THADA: variants seen among roughly 807,000 people sequenced by gnomAD.
THADA encodes tRNA (32-2'-O)-methyltransferase regulator THADA.
A neutral mutation model predicts 219.8 loss-of-function variants in THADA; 213 were observed. The ratio of observed to expected loss-of-function variants is 0.97; its 90% CI spans 0.87 to 1.09. THADA has a LOEUF of 1.09. THADA is among the 50% of genes least tolerant of loss of function. The pLI is 0.00. For missense variants in THADA, 2,956 were observed against 2,311.3 expected (o/e 1.28, Z -5.72); for synonymous variants, 1,018 against 828.9 (o/e 1.23, Z -3.92).
In THADA at chr2:43,485,982, G is replaced by A. The variant is rs903336636; in HGVS notation, c.3745-657C>T. On this transcript the variant is annotated intron_variant, in intron 25 of 37. Coordinates refer to ENST00000405975, the MANE Select transcript of THADA (RefSeq NM_022065.5). ...GCCTATAGTCCCAGGTAGTCAGAAGGCTCAGGCAGGAGGATTGCATAAGGC... is the reference window on the plus strand; with the variant it reads ...GCCTATAGTCCCAGGTAGTCAGAAGACTCAGGCAGGAGGATTGCATAAGGC... 2.0e-5 allele frequency among the ~76,000 whole-genome samples: 3 copies of A among 151,978 alleles called. No individual in the cohort carries two copies. The East Asian group carries it at 5.8e-4, about 29-fold the overall frequency.
intron 29 of THADA, among the ~76,000 whole-genome samples, chr2:43,346,696 A>T (rs938908873): frequency 6.6e-6 from 1 of 152,210 alleles, no homozygotes; most frequent in African/African-American, 2.4e-5. Flanking sequence ...AACAACTCTT[A>T]TTACCAGGCA....
intron 26 of THADA, among the ~76,000 whole-genome samples, chr2:43,452,089 A>T (rs144427691): frequency 6.6e-6 from 1 of 152,252 alleles, no homozygotes; most frequent in South Asian, 2.1e-4. Context: ...CCTTGGTGAC[A>T]GAGCGAGACT....
chr2:43,542,259 T>C (rs1695425818), intron 20 of THADA, among the ~76,000 whole-genome samples: 1 of 152,170 alleles, frequency 6.6e-6, no homozygotes, highest in African/African-American at 2.4e-5. Flanking sequence ...CACATAAACA[T>C]ATAAAATAAG....
At chr2:43,442,290 G>A (rs1680937530) in intron 26 of THADA, among the ~76,000 whole-genome samples, 1 of 152,056 alleles carries the variant, frequency 6.6e-6, no homozygotes, top group South Asian at 2.1e-4. Flanking sequence ...ATAAAATTTA[G>A]CTGGGCGTGG....
chr2:43,468,712 T>C (rs941351341), intron 26 of THADA, among the ~76,000 whole-genome samples: 20 of 152,162 alleles, frequency 1.3e-4, no homozygotes, highest in African/African-American at 4.8e-4. Context: ...CATATAACAA[T>C]TCACAAGAAA....
chr2:43,328,421 T>C (rs1679577944), intron 30 of THADA, among the ~76,000 whole-genome samples: 1 of 152,194 alleles, frequency 6.6e-6, no homozygotes, highest in African/African-American at 2.4e-5. Context: ...GTCTGGAGCT[T>C]TGTGAGTGTT....
intron 24 of THADA, among the ~76,000 whole-genome samples, chr2:43,502,916 A>G (rs962350077): frequency 2.0e-5 from 3 of 152,200 alleles, no homozygotes; most frequent in African/African-American, 7.2e-5. Flanking sequence ...TAAAGTAAGC[A>G]AAGTCTTTCA....
intron 22 of THADA, among the ~76,000 whole-genome samples, chr2:43,525,911 T>A (rs1376794775): frequency 6.6e-6 from 1 of 152,206 alleles, no homozygotes; most frequent in African/African-American, 2.4e-5. Flanking sequence ...TCTACTTTGT[T>A]ATAACTGATT....
At chr2:43,445,081 C>G (rs1256920553) in intron 26 of THADA, among the ~76,000 whole-genome samples, 1 of 152,136 alleles carries the variant, frequency 6.6e-6, no homozygotes, top group Admixed American at 6.5e-5. Flanking sequence ...TCCCTAGATT[C>G]TGGCCTATAA....
chr2:43,590,772 T>G (rs1482834093), intron 4 of THADA, 52 bp downstream of exon 4: 1 of 1,591,552 alleles, frequency 6.3e-7, no homozygotes. Context: ...TCAGTTACTT[T>G]TGGTCAAATT....
intron 28 of THADA, among the ~76,000 whole-genome samples, chr2:43,410,070 A>T (rs909726464): frequency 2.6e-5 from 4 of 152,152 alleles, no homozygotes; most frequent in Non-Finnish European, 5.9e-5. Context: ...ACAACCTAAC[A>T]GAAAAATTGG....
intron 33 of THADA, 82 bp downstream of exon 33, chr2:43,292,022 G>A (rs1280974581): frequency 1.0e-6 from 1 of 962,854 alleles, no homozygotes; most frequent in Admixed American, 2.8e-5. Context: ...CCTGAGGGCA[G>A]GATTGTGTGC....
rs1380616479 is a variant in THADA, at chr2:43,514,751, T to A, written c.3375-5971A>T. 3.9e-4 allele frequency among the ~76,000 whole-genome samples: 34 copies of A among 88,232 alleles called. 2 individuals carry two copies. The highest frequency in any genetic ancestry group is 1.7e-3 in the African/African-American group (34 of 20,374). The allele number at this position is 88,232 out of a possible 152,430, so 57.9% of individuals were successfully genotyped here. A position where few individuals can be genotyped will look rare whatever the true frequency, so the allele number is the denominator to read the frequency against. ...TATAATATGTATAATATATAATATT[T>A]TATATATAATATGTATAATATATAT... On this transcript the variant is annotated intron_variant, in intron 22 of 37. Transcript: ENST00000405975.
At chr2:43,424,255 A>G (rs1678119726) in intron 28 of THADA, among the ~76,000 whole-genome samples, 2 of 152,356 alleles carry the variant, frequency 1.3e-5, no homozygotes, top group South Asian at 4.1e-4. Flanking sequence ...CACATAAATC[A>G]AAGGGAAACA....
intron 24 of THADA, among the ~76,000 whole-genome samples, chr2:43,499,511 C>T (rs546316700): frequency 3.7e-4 from 57 of 152,046 alleles, no homozygotes; most frequent in African/African-American, 1.3e-3. Context: ...CGAGTAGCTG[C>T]GATTACAGAT....
chr2:43,487,227 A>G (rs1687025507), intron 25 of THADA, among the ~76,000 whole-genome samples: 3 of 152,172 alleles, frequency 2.0e-5, no homozygotes. Context: ...TTTTAGGTCT[A>G]AGATGACTTG....
intron 7 of THADA, among the ~76,000 whole-genome samples, chr2:43,582,355 G>T (rs111720289): frequency 6.6e-6 from 1 of 151,666 alleles, no homozygotes; most frequent in African/African-American, 2.4e-5. Context: ...AAATTAGCCA[G>T]GTGTGGTGGC....
intron 9 of THADA, among the ~76,000 whole-genome samples, 184 bp from the exon 10 acceptor site, chr2:43,577,426 A>G (rs533577145): frequency 1.0e-3 from 157 of 152,258 alleles, no homozygotes; most frequent in South Asian, 1.9e-3. Context: ...AATTACATCA[A>G]GTACGAGAAT....
At chr2:43,361,644 T>C (rs1320795832) in intron 29 of THADA, among the ~76,000 whole-genome samples, 1 of 152,246 alleles carries the variant, frequency 6.6e-6, no homozygotes, top group Non-Finnish European at 1.5e-5. Flanking sequence ...TGGCACTATT[T>C]TTCTTAGTGG....
Sources: allele counts gnomAD v4.1 joint callset (sites outside exome capture counted in the v4.1 genomes callset), GRCh38; gene constraint gnomAD v4.1.1; transcripts MANE v1.5; gene names NCBI Gene and HGNC (gene_info 2026-07-23, HGNC 2026-07-21).